The following KLRG2 variants were observed in gnomAD, a reference collection of about 807,000 sequenced individuals.
KLRG2 encodes the protein killer cell lectin-like receptor subfamily G member 2.
In KLRG2, 39 loss-of-function variants were observed where a neutral mutation model predicts 35.4. That is an observed-to-expected ratio of 1.10 (90% CI 0.85 to 1.44). The LOEUF (loss-of-function observed/expected upper bound fraction) is 1.44. Among genes scored for constraint, KLRG2 ranks in the 40% most tolerant of loss-of-function variants. The pLI is 0.00. For missense variants in KLRG2, 632 were observed against 570.9 expected (o/e 1.11, Z -1.09); for synonymous variants, 283 against 265.8 (o/e 1.06, Z -0.63).
At chr7:139,477,572 G>A (rs1410132585) in intron 3 of KLRG2, among the ~76,000 whole-genome samples, 7 of 152,302 alleles carry the variant, frequency 4.6e-5, no homozygotes, top group Non-Finnish European at 8.8e-5. Flanking sequence ...GTGGCTGCCA[G>A]GGATTGGGGG....
chr7:139,446,346 T>TG, the KLRG2 span, among the ~76,000 whole-genome samples: 2 of 146,192 alleles, frequency 1.4e-5, no homozygotes, highest in African/African-American at 2.5e-5. Flanking sequence ...GTTTTTTTTT[T>TG]TTTTTTTTTT....
At chr7:139,469,153 A>C (rs1283728304) in intron 3 of KLRG2, among the ~76,000 whole-genome samples, 2 of 152,102 alleles carry the variant, frequency 1.3e-5, no homozygotes, top group East Asian at 1.9e-4. Flanking sequence ...CTAATACCAT[A>C]AGATTTGTTT....
downstream of KLRG2, among the ~76,000 whole-genome samples, chr7:139,452,228 G>A (rs1472424881): frequency 1.3e-5 from 2 of 151,842 alleles, no homozygotes; most frequent in Non-Finnish European, 2.9e-5. Context: ...CGCCCACCTC[G>A]GCCTCCCAAA....
At chr7:139,454,073 G>C in intron 4 of KLRG2, 38 bp downstream of exon 4, 1 of 1,190,334 alleles carries the variant, frequency 8.4e-7, no homozygotes. Flanking sequence ...GGAGGATCCA[G>C]AACAGCAGAG....
At chr7:139,476,484 C>A (rs1796852453) in intron 3 of KLRG2, among the ~76,000 whole-genome samples, 1 of 151,932 alleles carries the variant, frequency 6.6e-6, no homozygotes, top group Non-Finnish European at 1.5e-5. Flanking sequence ...CTCTGTTACC[C>A]AGGCTGGAGA....
intron 3 of KLRG2, among the ~76,000 whole-genome samples, chr7:139,467,256 T>C (rs1796675942): frequency 6.6e-6 from 1 of 152,152 alleles, no homozygotes; most frequent in Non-Finnish European, 1.5e-5. Flanking sequence ...CACTATTTCA[T>C]TTTATTTTTC....
chr7:139,452,525 T>TA (rs56151450), downstream of KLRG2, among the ~76,000 whole-genome samples: 15,563 of 152,218 alleles, frequency 0.1, 863 homozygotes, highest in South Asian at 0.12. Flanking sequence ...GACGGCCCAT[T>TA]ACTGGTTCAA....
intron 3 of KLRG2, among the ~76,000 whole-genome samples, chr7:139,465,155 G>C (rs10245766): frequency 6.6e-6 from 1 of 152,178 alleles, no homozygotes; most frequent in Non-Finnish European, 1.5e-5. Context: ...ACACCTATCA[G>C]TGAGGCTACC....
chr7:139,480,143 T>C lies in KLRG2; in HGVS notation c.859+3A>G. ...GGGGATGGGGACTGCAGGGACACCA[T>C]ACCTGCTCTTGAGGCCAGGACCACA... On this transcript the variant is annotated splice_donor_region_variant and intron_variant, in intron 2 of 4. Transcript: ENST00000340940. 4 of 1,606,230 alleles carry C rather than the reference T, an allele frequency of 2.5e-6. No individual in the cohort carries two copies. Among genetic ancestry groups the C allele is most frequent in the Non-Finnish European group, 3.4e-6 (4 of 1,172,906 alleles).
intron 3 of KLRG2, among the ~76,000 whole-genome samples, chr7:139,465,002 T>C (rs975635668): frequency 6.6e-6 from 1 of 152,246 alleles, no homozygotes. Context: ...TTATTCCTGA[T>C]ACCACACCTG....
chr7:139,456,689 G>A (rs1311379537), intron 3 of KLRG2, among the ~76,000 whole-genome samples: 3 of 152,094 alleles, frequency 2.0e-5, no homozygotes, highest in East Asian at 1.9e-4. Flanking sequence ...ATCTCACTAC[G>A]TTGTCCAGGC....
At chr7:139,460,751 G>A (rs1444448546) in intron 3 of KLRG2, among the ~76,000 whole-genome samples, 2 of 152,024 alleles carry the variant, frequency 1.3e-5, no homozygotes, top group Non-Finnish European at 2.9e-5. Context: ...TTGATGTCAC[G>A]AGTTTGAGAC....
chr7:139,429,728 T>C, the KLRG2 span, among the ~76,000 whole-genome samples: 2 of 152,214 alleles, frequency 1.3e-5, no homozygotes, highest in Admixed American at 6.5e-5. Flanking sequence ...GGCAGAAGAA[T>C]TGTTCTTAGT....
chr7:139,432,553 C>A, the KLRG2 span, among the ~76,000 whole-genome samples: 7 of 150,150 alleles, frequency 4.7e-5, no homozygotes, highest in East Asian at 2.0e-4. Context: ...GACCCCCCCC[C>A]CCCAATATTT....
chr7:139,463,055 C>G (rs1308606261), intron 3 of KLRG2, among the ~76,000 whole-genome samples: 1 of 152,172 alleles, frequency 6.6e-6, no homozygotes, highest in East Asian at 1.9e-4. Flanking sequence ...TAGCCCTCCC[C>G]GACCTGCCCA....
the KLRG2 span, among the ~76,000 whole-genome samples, chr7:139,441,491 G>T: frequency 6.6e-6 from 1 of 152,094 alleles, no homozygotes; most frequent in Non-Finnish European, 1.5e-5. Flanking sequence ...GACTGGGGGA[G>T]GGATAGCATT....
At chr7:139,469,002 C>A (rs554009004) in intron 3 of KLRG2, among the ~76,000 whole-genome samples, 1 of 152,132 alleles carries the variant, frequency 6.6e-6, no homozygotes, top group African/African-American at 2.4e-5. Context: ...AGGGCCACTA[C>A]CTGAAAGCCA....
intron 3 of KLRG2, among the ~76,000 whole-genome samples, chr7:139,478,226 T>C (rs1356068549): frequency 6.6e-6 from 1 of 151,286 alleles, no homozygotes; most frequent in East Asian, 2.0e-4. Flanking sequence ...ATTAGCCAGT[T>C]GTGGTGGCAC....
the KLRG2 span, among the ~76,000 whole-genome samples, chr7:139,445,361 C>T: frequency 6.6e-6 from 1 of 152,106 alleles, no homozygotes; most frequent in African/African-American, 2.4e-5. Context: ...GGATTACAGG[C>T]GTGAGGCTGG....
Sources: allele counts gnomAD v4.1 joint callset (sites outside exome capture counted in the v4.1 genomes callset), GRCh38; gene constraint gnomAD v4.1.1; transcripts MANE v1.5; gene names NCBI Gene and HGNC (gene_info 2026-07-23, HGNC 2026-07-21).